Variants in CD84 observed in about 807,000 individuals in gnomAD.
CD84 encodes the protein SLAM family member 5.
CD84 carries 22 observed loss-of-function variants against 33.8 expected under a neutral mutation model. The ratio of observed to expected loss-of-function variants is 0.65; its 90% CI spans 0.46 to 0.93. CD84 has a LOEUF of 0.93. CD84 is among the 40% of genes least tolerant of loss of function. The pLI, the probability that CD84 is intolerant of heterozygous loss-of-function variation, is 0.00. For synonymous variants in CD84, 154 were observed against 145.2 expected (o/e 1.06, Z -0.44); for missense variants, 400 against 397.6 (o/e 1.01, Z -0.05).
intron 1 of CD84, among the ~76,000 whole-genome samples, chr1:160,570,359 G>A (rs528471014): frequency 2.0e-5 from 3 of 152,168 alleles, no homozygotes; most frequent in Admixed American, 1.3e-4. Context: ...TATTATTTGG[G>A]GCACTGTGGC....
chr1:160,552,702 T>C, intron 4 of CD84: 11 of 1,546,092 alleles, frequency 7.1e-6, no homozygotes, highest in Non-Finnish European at 9.6e-6. Flanking sequence ...GCTGAGAACT[T>C]ACAAGGGTTC....
At chr1:160,573,815 T>C (rs947866288) in intron 1 of CD84, among the ~76,000 whole-genome samples, 1 of 152,224 alleles carries the variant, frequency 6.6e-6, no homozygotes, top group Non-Finnish European at 1.5e-5. Context: ...TGTGAGTCTT[T>C]GTCTGTTTCA....
intron 1 of CD84, among the ~76,000 whole-genome samples, chr1:160,569,124 G>T (rs1657519532): frequency 6.6e-6 from 1 of 152,158 alleles, no homozygotes; most frequent in South Asian, 2.1e-4. Flanking sequence ...TGCCCTTTGG[G>T]CCTGCCCTAG....
intron 1 of CD84, among the ~76,000 whole-genome samples, chr1:160,575,105 A>G (rs1657916699): frequency 6.6e-6 from 1 of 151,976 alleles, no homozygotes; most frequent in Admixed American, 6.6e-5. Context: ...CCAGACAAAC[A>G]TTTCTTGTTC....
At chr1:160,557,040 G>T (rs1258771889) in intron 2 of CD84, among the ~76,000 whole-genome samples, 4 of 151,998 alleles carry the variant, frequency 2.6e-5, no homozygotes, top group Admixed American at 1.3e-4. Flanking sequence ...AAGGGATAAG[G>T]ATTAAAAAAT....
intron 1 of CD84, among the ~76,000 whole-genome samples, chr1:160,572,657 C>CATATGGCCAGCCAGCTTT (rs1657763945): frequency 6.6e-6 from 1 of 152,080 alleles, no homozygotes; most frequent in Admixed American, 6.5e-5. Flanking sequence ...TTGCTAACTA[C>CATATGGCCAGCCAGCTTT]CCTTGAGAGC....
chr1:160,572,885 G>C (rs1009097483), intron 1 of CD84, among the ~76,000 whole-genome samples: 2 of 152,156 alleles, frequency 1.3e-5, no homozygotes, highest in Non-Finnish European at 2.9e-5. Flanking sequence ...GGGAGCCCAG[G>C]ACTCAGGGAG....
chr1:160,556,508 A>G (rs1189392811), intron 2 of CD84, among the ~76,000 whole-genome samples: 1 of 152,268 alleles, frequency 6.6e-6, no homozygotes, highest in African/African-American at 2.4e-5. Context: ...GCTGGTATGC[A>G]CATTAATTAT....
intron 2 of CD84, among the ~76,000 whole-genome samples, chr1:160,557,424 T>C (rs551398663): frequency 6.6e-6 from 1 of 152,356 alleles, no homozygotes; most frequent in East Asian, 1.9e-4. Context: ...AATACAGTGA[T>C]AAACAATATA....
chr1:160,549,910 G>A lies in CD84; in HGVS notation c.921+7C>T. On this transcript the variant is annotated splice_region_variant and intron_variant, in intron 6 of 6. Coordinates refer to ENST00000368054, the MANE Select transcript of CD84 (RefSeq NM_003874.4). ...AAAGCAAGGATAAAAAGCCAGAAAG[G>A]GGTTACCTTATCAGCAAACTGCACT... 6.2e-7 allele frequency: 1 copy of A among 1,604,328 alleles called. No individual in the cohort carries two copies. The highest frequency in any genetic ancestry group is 8.5e-7 in the Non-Finnish European group (1 of 1,171,228).
intron 2 of CD84, among the ~76,000 whole-genome samples, chr1:160,564,880 T>C (rs916947593): frequency 1.3e-5 from 2 of 152,190 alleles, no homozygotes; most frequent in Non-Finnish European, 2.9e-5. Flanking sequence ...GCTACACACA[T>C]ACTCACACAT....
At chr1:160,559,926 A>T (rs1656843823) in intron 2 of CD84, among the ~76,000 whole-genome samples, 1 of 152,158 alleles carries the variant, frequency 6.6e-6, no homozygotes, top group South Asian at 2.1e-4. Context: ...CTTTACCAGG[A>T]TAGTTAGGAT....
chr1:160,556,690 A>G (rs1656629975), intron 2 of CD84, among the ~76,000 whole-genome samples: 1 of 152,222 alleles, frequency 6.6e-6, no homozygotes, highest in African/African-American at 2.4e-5. Context: ...TGTTCAATAA[A>G]TGTTAGTTTC....
intron 2 of CD84, among the ~76,000 whole-genome samples, chr1:160,564,882 C>G (rs1657220245): frequency 1.3e-5 from 2 of 152,180 alleles, no homozygotes; most frequent in African/African-American, 4.8e-5. Context: ...TACACACATA[C>G]TCACACATAA....
At chr1:160,567,398 G>A (rs872407) in intron 1 of CD84, among the ~76,000 whole-genome samples, 5 of 152,118 alleles carry the variant, frequency 3.3e-5, no homozygotes, top group South Asian at 2.1e-4. Flanking sequence ...AGATTTTCCC[G>A]TAGGAGCAGT....
intron 4 of CD84, among the ~76,000 whole-genome samples, chr1:160,552,435 T>G (rs1372046631): frequency 6.6e-6 from 1 of 152,234 alleles, no homozygotes; most frequent in Admixed American, 6.5e-5. Context: ...GTACTTACTA[T>G]GTACTGGGAA....
intron 4 of CD84, among the ~76,000 whole-genome samples, chr1:160,552,048 TG>T (rs1656268917): frequency 1.3e-5 from 2 of 152,230 alleles, no homozygotes; most frequent in Non-Finnish European, 2.9e-5. Flanking sequence ...GCCAGAATTT[TG>T]GGCCTTCATA....
chr1:160,576,606 T>C (rs1038108065), intron 1 of CD84, among the ~76,000 whole-genome samples: 3 of 151,940 alleles, frequency 2.0e-5, no homozygotes, highest in Non-Finnish European at 4.4e-5. Flanking sequence ...GTAGGGAGAG[T>C]AATTTACTCC....
At chr1:160,553,699 C>T in intron 3 of CD84, 196 bp downstream of exon 3, 1 of 979,008 alleles carries the variant, frequency 1.0e-6, no homozygotes. Context: ...TGCCACAGAA[C>T]ACCCAGAAAT....
Sources: gnomAD v4.1 joint callset for allele counts (sites outside exome capture counted in the v4.1 genomes callset) on GRCh38, gnomAD v4.1.1 for gene constraint, MANE v1.5 for transcripts, NCBI Gene and HGNC (gene_info 2026-07-23, HGNC 2026-07-21) for gene names.